The following EML6 variants were observed in gnomAD, a reference collection of about 807,000 sequenced individuals.
The protein encoded by EML6 is echinoderm microtubule-associated protein-like 6.
A neutral mutation model predicts 240.1 loss-of-function variants in EML6; 154 were observed. The observed-to-expected ratio is 0.64, with a 90% confidence interval of 0.56 to 0.73. The LOEUF (loss-of-function observed/expected upper bound fraction) is 0.73, where lower values mean the gene tolerates loss of function less well. EML6 is among the 30% of genes least tolerant of loss of function. EML6 has a pLI of 0.00. For missense variants in EML6, 2,964 were observed against 2,474.6 expected (o/e 1.20, Z -4.20); for synonymous variants, 1,148 against 899.0 (o/e 1.28, Z -4.95).
chr2:54,802,674 A>G (rs968651642), intron 2 of EML6, among the ~76,000 whole-genome samples: 13 of 139,830 alleles, frequency 9.3e-5, no homozygotes, highest in African/African-American at 3.0e-4. Flanking sequence ...TACTGCTACT[A>G]CTACTACTAC....
chr2:54,908,484 C>T (rs1050581580), intron 24 of EML6, among the ~76,000 whole-genome samples: 15 of 151,994 alleles, frequency 9.9e-5, no homozygotes, highest in Admixed American at 2.6e-4. Flanking sequence ...TGGAAAGATA[C>T]GGAGATATTT....
chr2:54,834,189 A>C (rs1489242149), intron 7 of EML6, among the ~76,000 whole-genome samples: 1 of 152,170 alleles, frequency 6.6e-6, no homozygotes, highest in African/African-American at 2.4e-5. Flanking sequence ...CATGGATGGT[A>C]CAATGAGGCC....
chr2:54,773,429 A>G (rs1048606483), intron 2 of EML6, among the ~76,000 whole-genome samples: 7 of 152,206 alleles, frequency 4.6e-5, no homozygotes, highest in African/African-American at 1.4e-4. Context: ...TCAGATCCGT[A>G]ACTGAGCCCA....
chr2:54,874,328 G>A (rs2103940824), intron 16 of EML6, among the ~76,000 whole-genome samples: 1 of 152,324 alleles, frequency 6.6e-6, no homozygotes, highest in African/African-American at 2.4e-5. Context: ...CAGTGCCTGG[G>A]TAGAGAAATC....
intron 2 of EML6, among the ~76,000 whole-genome samples, chr2:54,799,398 T>G (rs1186194652): frequency 2.6e-5 from 4 of 151,740 alleles, no homozygotes; most frequent in Non-Finnish European, 5.9e-5. Flanking sequence ...GCCTCTGGTG[T>G]GTGGTGGCGC....
intron 16 of EML6, among the ~76,000 whole-genome samples, chr2:54,874,969 A>G (rs1671431149): frequency 6.6e-6 from 1 of 152,098 alleles, no homozygotes; most frequent in Admixed American, 6.5e-5. Context: ...AGCAGGCAGG[A>G]GGCATGCCAG....
chr2:54,923,364 A>AACACACACACAC (rs1553416829), intron 26 of EML6, among the ~76,000 whole-genome samples: 4 of 52,962 alleles, frequency 7.6e-5, no homozygotes, highest in African/African-American at 2.9e-4. Context: ...GTCCTCACCA[A>AACACACACACAC]ACGCACACAC....
chr2:54,781,173 C>G (rs561785139), intron 2 of EML6, among the ~76,000 whole-genome samples: 1 of 152,150 alleles, frequency 6.6e-6, no homozygotes, highest in African/African-American at 2.4e-5. Context: ...TTTTTACATG[C>G]GAGGCATAGA....
At chr2:54,737,110 G>A (rs1683431275) in intron 2 of EML6, among the ~76,000 whole-genome samples, 1 of 152,152 alleles carries the variant, frequency 6.6e-6, no homozygotes, top group Non-Finnish European at 1.5e-5. Context: ...TGAGGTAACA[G>A]CTTTGTGTCA....
At chr2:54,845,232 CTGT>C (rs1208257496) in intron 8 of EML6, among the ~76,000 whole-genome samples, 1 of 152,306 alleles carries the variant, frequency 6.6e-6, no homozygotes, top group Non-Finnish European at 1.5e-5. Flanking sequence ...ACTAAAACAA[CTGT>C]TGTTCTCTCC....
intron 28 of EML6, among the ~76,000 whole-genome samples, chr2:54,942,460 C>T (rs754436185): frequency 7.2e-5 from 11 of 152,142 alleles, no homozygotes; most frequent in Non-Finnish European, 1.6e-4. Flanking sequence ...TGGGCACTAC[C>T]AGGGGTGTTG....
At chr2:54,951,296 G>A (rs1400818394) in intron 30 of EML6, among the ~76,000 whole-genome samples, 2 of 152,156 alleles carry the variant, frequency 1.3e-5, no homozygotes, top group Non-Finnish European at 2.9e-5. Flanking sequence ...ACTTTGAGAG[G>A]CTGAGGTGGG....
At position 54,731,621 on chromosome 2, in the gene EML6, A is replaced by T. The variant is rs559523651; in HGVS notation, c.197+6363A>T. Among the ~76,000 whole-genome samples the T allele has an allele frequency of 1.3e-3, 196 of 151,568 alleles. 1 individual carries two copies. In the South Asian group the frequency reaches 0.015, roughly 12 times the overall value. On this transcript the variant is annotated intron_variant, in intron 2 of 41. Transcript: ENST00000356458. ...GACAGGGCAAGACCCTGTCAAAAAA[A>T]ATATATATATATATGACTGTGTTTT...
In EML6 at chr2:54,725,157, A is replaced by G; in HGVS notation, c.96A>G (p.Ala32=). ...HQCRNNLYYT[A]GKEVVYFVAG... ...GCCGCAACAACCTGTACTACACGGC[A>G]GGCAAGGAGGTGGTCTACTTTGTGG... The change falls in exon 2 of 42, where the codon GCA becomes GCG. Residue 32 remains alanine, a synonymous_variant. Coordinates refer to ENST00000356458, the MANE Select transcript of EML6 (RefSeq NM_001039753.4). This position sits in a 1 kb window ranked among gnomAD's most constrained non-coding sequence, Gnocchi z 4.3. 2 of 1,534,596 alleles carry G rather than the reference A, an allele frequency of 1.3e-6. No individual in the cohort carries two copies. Among genetic ancestry groups the G allele is most frequent in the Non-Finnish European group, 1.8e-6 (2 of 1,138,730 alleles).
rs756809158 is a variant in EML6 at position 54,928,474 on chromosome 2, G to A, written c.3837G>A (p.Val1279=). 1.3e-6 allele frequency: 2 copies of A among 1,548,816 alleles called. No homozygotes were observed. Among genetic ancestry groups the A allele is most frequent in the African/African-American group, 2.7e-5 (2 of 73,032 alleles). Residue 1279 remains valine (V), a synonymous_variant, in exon 27 of 42, where the codon GTG becomes GTA. Transcript: ENST00000356458. ...TGGGGACCCAGGAGAGCAAGCTGGT[G>A]GACAGCGAGGAGTCAGACACCGACG... ...EFVGTQESKL[V]DSEESDTDVE...
chr2:54,823,228 G>A (rs200071561), intron 5 of EML6, among the ~76,000 whole-genome samples: 1 of 152,308 alleles, frequency 6.6e-6, no homozygotes, highest in Middle Eastern at 3.4e-3. Context: ...CAGCTGGCTA[G>A]AAGCATGTTG....
chr2:54,809,519 T>A (rs1406278700), intron 2 of EML6, among the ~76,000 whole-genome samples: 3 of 152,118 alleles, frequency 2.0e-5, no homozygotes, highest in African/African-American at 7.2e-5. Flanking sequence ...ACTAACAGCA[T>A]GGCTGGAGGG....
Position 54,962,699 on chromosome 2 carries a change from C to A in EML6, c.5145C>A (p.Asp1715Glu). 6.7e-7 allele frequency: 1 copy of A among 1,488,982 alleles called. No homozygotes were observed. The highest frequency in any genetic ancestry group is 2.5e-5 in the Admixed American group (1 of 40,730). 92.2% of individuals were successfully genotyped at this position (1,488,982 alleles called of 1,614,324 possible). ...ACGATGGCACAGCCCGGATCTGGGA[C>A]CTGGCTGACAAGGTGAGGCCGACTC... Reference protein sequence around the residue: ...ASNDGTARIWDLADKKLLNKV... With the variant: ...ASNDGTARIWELADKKLLNKV... The change falls in exon 36 of 42, where the codon GAC (aspartate) becomes GAA (glutamate). Residue 1715 changes from aspartate to glutamate, a missense_variant. By Grantham distance (45) the Asp-to-Glu change is conservative. Transcript: ENST00000356458.
chr2:54,928,568 TCC>T, intron 27 of EML6, 54 bp downstream of exon 27: 1 of 1,551,062 alleles, frequency 6.4e-7, no homozygotes. Flanking sequence ...TCCCAACACC[TCC>T]CTTCCTGGGC....
Sources: allele counts gnomAD v4.1 joint callset (sites outside exome capture counted in the v4.1 genomes callset), GRCh38; gene constraint gnomAD v4.1.1; non-coding constraint Gnocchi (gnomAD v3.1); transcripts MANE v1.5; gene names NCBI Gene and HGNC (gene_info 2026-07-23, HGNC 2026-07-21).